Variants in ACYP2 observed in about 807,000 individuals in gnomAD.
The protein encoded by ACYP2 is acylphosphatase-2.
A neutral mutation model predicts 11.2 loss-of-function variants in ACYP2; 12 were observed. The observed-to-expected ratio is 1.08, with a 90% CI of 0.69 to 1.74. The LOEUF is 1.74. ACYP2 is among the 40% of genes most tolerant of loss of function. The pLI is 0.00. For missense variants in ACYP2, 134 were observed against 101.9 expected (o/e 1.31, Z -1.35); for synonymous variants, 43 against 32.2 (o/e 1.33, Z -1.13).
intron 6 of ACYP2, among the ~76,000 whole-genome samples, chr2:54,219,905 A>ATATATATTTTTT (rs1288814375): frequency 2.2e-3 from 164 of 75,914 alleles, no homozygotes; most frequent in Non-Finnish European, 3.3e-3. Context: ...ATATATATAT[A>ATATATATTTTTT]TTTTTTTTTT....
chr2:54,011,414 T>C (rs1033231789), intron 2 of ACYP2, among the ~76,000 whole-genome samples: 1 of 152,228 alleles, frequency 6.6e-6, no homozygotes, highest in Non-Finnish European at 1.5e-5. Context: ...ATTTCAAAAG[T>C]GTCTCTTGCT....
intron 6 of ACYP2, among the ~76,000 whole-genome samples, chr2:54,275,750 T>G (rs1419836619): frequency 6.6e-6 from 1 of 152,174 alleles, no homozygotes; most frequent in Non-Finnish European, 1.5e-5. Context: ...TGAATTACAT[T>G]TAGGTGAAAT....
chr2:54,115,724 C>G (rs751771755), intron 4 of ACYP2: 1 of 1,613,014 alleles, frequency 6.2e-7, no homozygotes, highest in Admixed American at 1.7e-5. Context: ...TCACTCAAAT[C>G]CGTGGACTAC....
At position 54,138,639 on chromosome 2, in the gene ACYP2, T is replaced by C; in HGVS notation, c.295T>C (p.Tyr99His). The change falls in exon 6 of 7, where the codon TAT becomes CAT. Residue 99 changes from tyrosine to histidine, a missense_variant and splice_region_variant. Tyr to His is a moderately conservative substitution (Grantham distance 83). Transcript: ENST00000607452. ...TTCTTCTTGTTTTTTCCTGAAACAG[T>C]ATACAGAAGATGAAGCTAGGAAAAT... The C allele has an allele frequency of 6.2e-7, 1 of 1,612,608 alleles. No individual in the cohort carries two copies. Among genetic ancestry groups the C allele is most frequent in the Non-Finnish European group, 8.5e-7 (1 of 1,178,826 alleles).
intron 4 of ACYP2, among the ~76,000 whole-genome samples, chr2:54,105,927 A>G (rs1018711641): frequency 4.0e-5 from 6 of 151,758 alleles, no homozygotes; most frequent in African/African-American, 1.5e-4. Context: ...AGAACACTGA[A>G]TTTTTCCGCA....
intron 6 of ACYP2, among the ~76,000 whole-genome samples, chr2:54,174,344 G>C (rs1409961676): frequency 1.3e-5 from 2 of 152,210 alleles, no homozygotes; most frequent in East Asian, 3.9e-4. Context: ...TTGGTGTAGA[G>C]GAATGCTTGT....
At chr2:54,072,405 T>C (rs192552281) in intron 4 of ACYP2, among the ~76,000 whole-genome samples, 224 of 151,774 alleles carry the variant, frequency 1.5e-3, no homozygotes, top group Non-Finnish European at 2.2e-3. Flanking sequence ...ACTCCAGCTC[T>C]AGTGATCTTC....
chr2:53,987,180 G>C (rs1045784083), intron 2 of ACYP2, among the ~76,000 whole-genome samples: 23 of 152,186 alleles, frequency 1.5e-4, no homozygotes, highest in African/African-American at 5.6e-4. Flanking sequence ...CCTGAGGGTA[G>C]GGTACAGAAT....
chr2:54,009,543 C>T (rs1260566461), intron 2 of ACYP2, among the ~76,000 whole-genome samples: 1 of 152,116 alleles, frequency 6.6e-6, no homozygotes, highest in Non-Finnish European at 1.5e-5. Context: ...CACTGCACGC[C>T]AGCCTGGGGG....
At chr2:54,107,709 T>C (rs1228793678) in intron 4 of ACYP2, among the ~76,000 whole-genome samples, 1 of 152,228 alleles carries the variant, frequency 6.6e-6, no homozygotes, top group East Asian at 1.9e-4. Context: ...GGTTGCTTTT[T>C]TAGAATATCA....
At chr2:54,008,704 T>C (rs538729987) in intron 2 of ACYP2, among the ~76,000 whole-genome samples, 220 of 152,206 alleles carry the variant, frequency 1.4e-3, no homozygotes, top group Non-Finnish European at 1.2e-3. Flanking sequence ...GGTTTTGCCA[T>C]GTTGCCCAGG....
chr2:54,160,242 C>T (rs1476761326), intron 6 of ACYP2, among the ~76,000 whole-genome samples: 1 of 152,124 alleles, frequency 6.6e-6, no homozygotes, highest in Non-Finnish European at 1.5e-5. Flanking sequence ...GATGGCTGTC[C>T]CAGCTTCAAG....
chr2:54,177,901 CTTTA>C (rs145649659), intron 6 of ACYP2, among the ~76,000 whole-genome samples: 23,937 of 123,610 alleles, frequency 0.19, 2,154 homozygotes, highest in East Asian at 0.39. Flanking sequence ...TTCTTTCTTT[CTTTA>C]TTTTTTTTTT....
At chr2:54,198,995 C>T (rs931183970) in intron 6 of ACYP2, among the ~76,000 whole-genome samples, 7 of 152,136 alleles carry the variant, frequency 4.6e-5, no homozygotes, top group East Asian at 3.9e-4. Flanking sequence ...TTCCTTCTCT[C>T]GTCATTTTCA....
intron 2 of ACYP2, among the ~76,000 whole-genome samples, chr2:54,007,543 G>A (rs548671357): frequency 8.7e-5 from 13 of 149,584 alleles, no homozygotes; most frequent in South Asian, 7.0e-4. Context: ...GTGAGCCACC[G>A]TGCCAGCCTT....
At chr2:54,254,600 AG>A (rs1687395319) in intron 6 of ACYP2, 1 of 262,130 alleles carries the variant, frequency 3.8e-6, no homozygotes, top group Non-Finnish European at 7.2e-6. Context: ...GCCAGACCAG[AG>A]GTCCTGGGAA....
At chr2:54,184,990 T>C (rs1328468363) in intron 6 of ACYP2, among the ~76,000 whole-genome samples, 2 of 151,976 alleles carry the variant, frequency 1.3e-5, no homozygotes, top group Non-Finnish European at 2.9e-5. Flanking sequence ...GGATTACAGG[T>C]GCCCACCACC....
intron 6 of ACYP2, among the ~76,000 whole-genome samples, chr2:54,257,218 A>T (rs901624862): frequency 2.0e-5 from 3 of 152,198 alleles, no homozygotes; most frequent in African/African-American, 7.2e-5. Context: ...TATTTTTAAA[A>T]AGAAGAAAAA....
intron 4 of ACYP2, among the ~76,000 whole-genome samples, chr2:54,132,091 T>C (rs1239171580): frequency 2.6e-5 from 4 of 152,224 alleles, no homozygotes; most frequent in Admixed American, 6.5e-5. Flanking sequence ...ATATACACAA[T>C]ACAACCTAGA....
Sources: allele counts gnomAD v4.1 joint callset (sites outside exome capture counted in the v4.1 genomes callset), GRCh38; gene constraint gnomAD v4.1.1; transcripts MANE v1.5; gene names NCBI Gene and HGNC (gene_info 2026-07-23, HGNC 2026-07-21).